The following SH3GL2 variants were observed in gnomAD, a reference collection of about 807,000 sequenced individuals.
The protein encoded by SH3GL2 is SH3 domain containing GRB2 like 2, endophilin A1.
Under a neutral mutation model 46.0 loss-of-function variants are expected in SH3GL2, and 24 were observed. The observed-to-expected ratio is 0.52, with a 90% CI of 0.38 to 0.73. The LOEUF (loss-of-function observed/expected upper bound fraction) is 0.73. Among genes scored for constraint, SH3GL2 ranks in the 30% least tolerant of loss-of-function variants. The pLI is 0.00. For synonymous variants in SH3GL2, 196 were observed against 147.1 expected (o/e 1.33, Z -2.40); for missense variants, 413 against 424.2 (o/e 0.97, Z 0.23).
intron 1 of SH3GL2, among the ~76,000 whole-genome samples, chr9:17,603,807 G>C (rs1324540239): frequency 6.6e-6 from 1 of 152,182 alleles, no homozygotes; most frequent in Non-Finnish European, 1.5e-5. Flanking sequence ...TTGTGGTGTG[G>C]TGAGCTGAGA....
At chr9:17,649,125 G>A (rs887509089) in intron 1 of SH3GL2, among the ~76,000 whole-genome samples, 3 of 152,158 alleles carry the variant, frequency 2.0e-5, no homozygotes, top group Non-Finnish European at 2.9e-5. Context: ...TTTTGAGAAA[G>A]AGTCTTACCC....
intron 1 of SH3GL2, among the ~76,000 whole-genome samples, chr9:17,616,883 T>G (rs1819015586): frequency 6.6e-6 from 1 of 152,208 alleles, no homozygotes; most frequent in East Asian, 1.9e-4. Flanking sequence ...CAGCGTAGTA[T>G]AAAAGGTTAG....
Position 17,795,573 on chromosome 9 carries a change from G to T in SH3GL2, c.889G>T (p.Ala297Ser), listed in dbSNP as rs779080747. The change falls in exon 9 of 9, where the codon GCT (alanine) becomes TCT (serine). Residue 297 changes from alanine to serine, a missense_variant. Ala to Ser is a moderately conservative substitution (Grantham distance 99). This residue lies in a region of SH3GL2 where 248 missense variants were observed against 215.0 expected (regional missense o/e 1.15). Coordinates refer to ENST00000380607, the MANE Select transcript of SH3GL2 (RefSeq NM_003026.5). ...GVQMDQPCCR[A>S]LYDFEPENEG... ...CCAAATGGATCAGCCCTGCTGCCGAGCTCTGTACGACTTTGAACCTGAAAA... is the reference window on the plus strand; with the variant it reads ...CCAAATGGATCAGCCCTGCTGCCGATCTCTGTACGACTTTGAACCTGAAAA... 3.7e-6 allele frequency: 6 copies of T among 1,614,026 alleles called. No homozygotes were observed. Among genetic ancestry groups the T allele is most frequent in the Non-Finnish European group, 5.1e-6 (6 of 1,179,950 alleles).
chr9:17,722,302 T>C (rs1474406628), intron 1 of SH3GL2, among the ~76,000 whole-genome samples: 1 of 152,126 alleles, frequency 6.6e-6, no homozygotes, highest in Non-Finnish European at 1.5e-5. Flanking sequence ...AGACAAAATG[T>C]CAGTTGTCTG....
intron 7 of SH3GL2, among the ~76,000 whole-genome samples, chr9:17,792,562 C>T (rs1267824716): frequency 1.3e-5 from 2 of 152,114 alleles, no homozygotes; most frequent in East Asian, 3.9e-4. Flanking sequence ...TTTTGTCTTC[C>T]CTCTTTCCTT....
intron 5 of SH3GL2, 90 bp downstream of exon 5, chr9:17,787,603 C>A: frequency 9.4e-7 from 1 of 1,068,674 alleles, no homozygotes; most frequent in Non-Finnish European, 1.4e-6. Flanking sequence ...TTTTAGCTTA[C>A]CCTGTGTGTT....
intron 1 of SH3GL2, among the ~76,000 whole-genome samples, chr9:17,674,353 G>A (rs530299572): frequency 5.3e-5 from 8 of 152,064 alleles, no homozygotes; most frequent in Non-Finnish European, 1.0e-4. Context: ...TGAAACCTCC[G>A]CCTCACGAGT....
At chr9:17,674,126 C>T (rs1820544589) in intron 1 of SH3GL2, among the ~76,000 whole-genome samples, 1 of 152,124 alleles carries the variant, frequency 6.6e-6, no homozygotes, top group South Asian at 2.1e-4. Flanking sequence ...TTTGCCTTTT[C>T]TTTTTAATGC....
intron 1 of SH3GL2, among the ~76,000 whole-genome samples, chr9:17,710,392 G>A (rs1292323872): frequency 6.6e-6 from 1 of 151,906 alleles, no homozygotes; most frequent in Non-Finnish European, 1.5e-5. Flanking sequence ...GACTAATACA[G>A]GGACCATTAA....
intron 2 of SH3GL2, among the ~76,000 whole-genome samples, chr9:17,752,606 T>C (rs1246569780): frequency 6.6e-6 from 1 of 152,148 alleles, no homozygotes. Flanking sequence ...CAAGTGATTC[T>C]CCTGCCTCAG....
At chr9:17,642,463 T>G (rs2134646536) in intron 1 of SH3GL2, among the ~76,000 whole-genome samples, 1 of 152,338 alleles carries the variant, frequency 6.6e-6, no homozygotes, top group Admixed American at 6.5e-5. Flanking sequence ...CTAGGTTTTC[T>G]TCTAGGGTTT....
intron 5 of SH3GL2, among the ~76,000 whole-genome samples, chr9:17,788,952 A>G (rs983200573): frequency 2.0e-5 from 3 of 152,220 alleles, no homozygotes; most frequent in African/African-American, 4.8e-5. Flanking sequence ...TGCCATTTCT[A>G]TCTCACTTAA....
At chr9:17,612,050 G>T (rs1164730442) in intron 1 of SH3GL2, among the ~76,000 whole-genome samples, 1 of 152,198 alleles carries the variant, frequency 6.6e-6, no homozygotes, top group African/African-American at 2.4e-5. Flanking sequence ...TTCTCAGAGA[G>T]AGGAGGTGCC....
chr9:17,788,119 A>G (rs1824015868), intron 5 of SH3GL2, among the ~76,000 whole-genome samples: 1 of 152,216 alleles, frequency 6.6e-6, no homozygotes, highest in East Asian at 1.9e-4. Context: ...TATCTAACAA[A>G]TATTTGTTGA....
chr9:17,661,885 G>T (rs964776662), intron 1 of SH3GL2, among the ~76,000 whole-genome samples: 1 of 152,184 alleles, frequency 6.6e-6, no homozygotes, highest in Non-Finnish European at 1.5e-5. Flanking sequence ...AATGTAAAAT[G>T]TGTGTTATAA....
intron 1 of SH3GL2, among the ~76,000 whole-genome samples, chr9:17,647,011 A>T (rs1221684223): frequency 6.6e-6 from 1 of 152,108 alleles, no homozygotes; most frequent in African/African-American, 2.4e-5. Flanking sequence ...TCCCAGGGAG[A>T]TGGGAGTTTT....
At chr9:17,750,317 C>G (rs1822807634) in intron 2 of SH3GL2, among the ~76,000 whole-genome samples, 1 of 151,694 alleles carries the variant, frequency 6.6e-6, no homozygotes, top group African/African-American at 2.4e-5. Context: ...CTCGGAGGTG[C>G]AATTAGATAA....
At chr9:17,602,640 G>C (rs1818692203) in intron 1 of SH3GL2, among the ~76,000 whole-genome samples, 1 of 152,132 alleles carries the variant, frequency 6.6e-6, no homozygotes, top group South Asian at 2.1e-4. Context: ...ATTTGCAAAA[G>C]AAGGATTATA....
At chr9:17,768,418 T>C (rs1563846478) in intron 3 of SH3GL2, among the ~76,000 whole-genome samples, 1 of 147,966 alleles carries the variant, frequency 6.8e-6, no homozygotes, top group Non-Finnish European at 1.5e-5. Flanking sequence ...ATAACAAATA[T>C]AGTATACATT....
Sources: allele counts gnomAD v4.1 joint callset (sites outside exome capture counted in the v4.1 genomes callset), GRCh38; gene constraint gnomAD v4.1.1; regional missense constraint gnomAD v4.1.1; transcripts MANE v1.5; gene names NCBI Gene and HGNC (gene_info 2026-07-23, HGNC 2026-07-21).